The following NGEF variants were observed in gnomAD, a reference collection of about 807,000 sequenced individuals.
NGEF encodes the protein ephexin-1.
A neutral mutation model predicts 80.9 loss-of-function variants in NGEF; 31 were observed. The ratio of observed to expected loss-of-function variants is 0.38; its 90% CI spans 0.29 to 0.52. The LOEUF (loss-of-function observed/expected upper bound fraction) is 0.52, where lower values mean the gene tolerates loss of function less well. NGEF is among the 20% of genes least tolerant of loss of function. The pLI is 0.84. For synonymous variants in NGEF, 371 were observed against 370.2 expected (o/e 1.00, Z -0.03); for missense variants, 709 against 926.2 (o/e 0.77, Z 3.04).
intron 5 of NGEF, among the ~76,000 whole-genome samples, chr2:232,905,301 G>T (rs923794566): frequency 1.3e-5 from 2 of 152,222 alleles, no homozygotes; most frequent in African/African-American, 4.8e-5. Flanking sequence ...ACGGGGTTTC[G>T]CTGTGTTGGC....
chr2:232,906,206 GGGAA>G (rs1692525735), intron 5 of NGEF, among the ~76,000 whole-genome samples: 5 of 25,448 alleles, frequency 2.0e-4, no homozygotes, highest in East Asian at 1.3e-3. Context: ...CGCCCCGTCC[GGGAA>G]GGAGGTGGGG....
At chr2:233,012,431 CCT>C in intron 1 of NGEF, among the ~76,000 whole-genome samples, 1 of 152,284 alleles carries the variant, frequency 6.6e-6, no homozygotes, top group Non-Finnish European at 1.5e-5. Flanking sequence ...AGGGGTAGGG[CCT>C]TCTGTCTTTC....
intron 1 of NGEF, among the ~76,000 whole-genome samples, chr2:233,012,373 C>T (rs1018575399): frequency 2.6e-5 from 4 of 152,160 alleles, no homozygotes; most frequent in African/African-American, 9.7e-5. Context: ...TCAGTCACAC[C>T]GTGCTGTGGC....
In NGEF at chr2:232,943,607, T is replaced by C. The variant is rs942953398; in HGVS notation, c.384-16421A>G. Among the ~76,000 whole-genome samples the C allele has an allele frequency of 4.6e-5, 7 of 151,350 alleles. No individual in the cohort carries two copies. In the East Asian group the frequency reaches 5.9e-4, roughly 13 times the overall value. On this transcript the variant is annotated intron_variant, in intron 3 of 14. Coordinates refer to ENST00000264051, the MANE Select transcript of NGEF (RefSeq NM_019850.3). ...GCCTCCCGGGTTCACGCCATTCTCC[T>C]GCCTCAGCCTCCCGAGTAGCTGGGA... is the stretch of plus-strand genomic sequence containing the variant.
At position 232,955,863 on chromosome 2, in the gene NGEF, A is replaced by G. The variant is rs142451365; in HGVS notation, c.383+14351T>C. Among the ~76,000 whole-genome samples, 478 of 152,286 alleles carry G rather than the reference A, an allele frequency of 3.1e-3. 5 individuals carry two copies. Among genetic ancestry groups the G allele is most frequent in the African/African-American group, 0.01 (418 of 41,574 alleles). On this transcript the variant is annotated intron_variant, in intron 3 of 14. Transcript: ENST00000264051. ...CTGACACTCGTGAAGATTTCAGACC[A>G]ATATATTTTGCAGAATGTTTCTCAA...
chr2:232,968,770 C>A (rs1056982763), intron 3 of NGEF, among the ~76,000 whole-genome samples: 2 of 152,200 alleles, frequency 1.3e-5, no homozygotes, highest in Admixed American at 1.3e-4. Context: ...GGCCATGTGA[C>A]CCAGTTTTGG....
intron 5 of NGEF, chr2:232,901,582 C>T (rs1348221755): frequency 1.9e-5 from 5 of 265,904 alleles, no homozygotes; most frequent in East Asian, 1.8e-4. Flanking sequence ...GAAGGGCGGG[C>T]TCACTGGCTG....
At chr2:232,920,937 C>T (rs1228807452) in intron 4 of NGEF, among the ~76,000 whole-genome samples, 3 of 152,224 alleles carry the variant, frequency 2.0e-5, no homozygotes, top group Non-Finnish European at 2.9e-5. Flanking sequence ...CCAACTGTGT[C>T]TCATTATCCC....
chr2:232,881,984 A>G (rs538146032), intron 13 of NGEF, among the ~76,000 whole-genome samples: 36 of 152,314 alleles, frequency 2.4e-4, no homozygotes, highest in African/African-American at 8.7e-4. Flanking sequence ...AGGCCCATCC[A>G]GCATTCACAC....
chr2:232,985,938 CA>C (rs397873909), intron 1 of NGEF, among the ~76,000 whole-genome samples: 29,901 of 116,368 alleles, frequency 0.26, 3,522 homozygotes, highest in Non-Finnish European at 0.33. Context: ...AGACTCCGTC[CA>C]AAAAAAAAAA....
rs566663724 is a variant in NGEF, at chr2:232,900,150, TCA to T, written c.829-5236_829-5235del. Among the ~76,000 whole-genome samples, 73 of 131,166 alleles carry T rather than the reference TCA, an allele frequency of 5.6e-4. 1 individual carries two copies. The highest frequency in any genetic ancestry group is 2.6e-3 in the South Asian group (10 of 3,894). 86.0% of individuals were successfully genotyped at this position (131,166 alleles called of 152,430 possible). ...CACTCACATTCTCACACACACACGC[TCA>T]CAGTCACTCATATACACGTTCACTC... On this transcript the variant is annotated intron_variant, in intron 5 of 14. Transcript: ENST00000264051.
intron 3 of NGEF, among the ~76,000 whole-genome samples, chr2:232,968,996 G>A (rs965354292): frequency 9.2e-5 from 14 of 152,184 alleles, no homozygotes; most frequent in East Asian, 1.9e-4. Flanking sequence ...TGAAGGAGCC[G>A]CGGTCACGAC....
intron 3 of NGEF, among the ~76,000 whole-genome samples, chr2:232,943,425 C>G (rs915663649): frequency 6.6e-6 from 1 of 151,968 alleles, no homozygotes; most frequent in African/African-American, 2.4e-5. Context: ...TCCTTAAACC[C>G]AGGGCCTCAG....
At chr2:232,948,559 C>A (rs943858664) in intron 3 of NGEF, among the ~76,000 whole-genome samples, 1 of 152,094 alleles carries the variant, frequency 6.6e-6, no homozygotes, top group South Asian at 2.1e-4. Context: ...TGCCAACATG[C>A]GAGGAGTTAA....
intron 5 of NGEF, among the ~76,000 whole-genome samples, chr2:232,919,899 C>T (rs1020297327): frequency 4.6e-5 from 7 of 152,192 alleles, no homozygotes; most frequent in African/African-American, 1.7e-4. Flanking sequence ...AGAGATATGG[C>T]AGACCTCCGC....
At chr2:232,928,700 T>C (rs1237899094) in intron 3 of NGEF, among the ~76,000 whole-genome samples, 1 of 152,114 alleles carries the variant, frequency 6.6e-6, no homozygotes, top group Non-Finnish European at 1.5e-5. Context: ...CGGAGGTCTT[T>C]CCCGGGCGAG....
At chr2:232,957,233 A>G (rs528923936) in intron 3 of NGEF, among the ~76,000 whole-genome samples, 6 of 152,306 alleles carry the variant, frequency 3.9e-5, no homozygotes, top group Non-Finnish European at 7.4e-5. Flanking sequence ...TTTAAAAACT[A>G]AAGATGTAAT....
intron 12 of NGEF, among the ~76,000 whole-genome samples, chr2:232,882,785 C>T (rs1030309042): frequency 1.3e-5 from 2 of 152,206 alleles, no homozygotes; most frequent in Non-Finnish European, 2.9e-5. Context: ...GCACTGCAAT[C>T]TCAGCTCACT....
intron 1 of NGEF, among the ~76,000 whole-genome samples, chr2:232,979,377 CACACACACACACACACACAG>C (rs1247953882): frequency 1.1e-5 from 1 of 94,886 alleles, no homozygotes; most frequent in African/African-American, 5.4e-5. Flanking sequence ...CACACACACA[CACACACACACACACACACAG>C]GAAGAGATTG....
Sources: allele counts gnomAD v4.1 joint callset (sites outside exome capture counted in the v4.1 genomes callset), GRCh38; gene constraint gnomAD v4.1.1; transcripts MANE v1.5; gene names NCBI Gene and HGNC (gene_info 2026-07-23, HGNC 2026-07-21).